The following MLLT3 variants were observed in gnomAD, a reference collection of about 807,000 sequenced individuals.
The protein encoded by MLLT3 is MLLT3 super elongation complex subunit.
In MLLT3, 4 loss-of-function variants were observed where a neutral mutation model predicts 53.2. The observed-to-expected ratio is 0.08, with a 90% CI of 0.04 to 0.17. The LOEUF is 0.17. Ranked by LOEUF, MLLT3 falls within the 10% of genes least tolerant of loss-of-function variation. The pLI is 1.00. For missense variants in MLLT3, 569 were observed against 684.0 expected, an observed-to-expected ratio of 0.83 and a Z score of 1.87; for synonymous variants, 283 against 230.6, an observed-to-expected ratio of 1.23 and a Z score of -2.06.
intron 2 of MLLT3, among the ~76,000 whole-genome samples, chr9:20,618,517 G>A (rs2991262): frequency 0.25 from 37,919 of 152,044 alleles, 4,903 homozygotes; most frequent in African/African-American, 0.29. Flanking sequence ...CACATCATGG[G>A]AAGCACGCAT....
intron 2 of MLLT3, among the ~76,000 whole-genome samples, chr9:20,505,561 G>A (rs1445195059): frequency 1.3e-5 from 2 of 152,272 alleles, no homozygotes; most frequent in East Asian, 1.9e-4. Flanking sequence ...ATAAGAATTC[G>A]AAGAGGTTAG....
intron 5 of MLLT3, among the ~76,000 whole-genome samples, chr9:20,380,956 T>C (rs1821894720): frequency 1.3e-5 from 2 of 151,964 alleles, no homozygotes; most frequent in Non-Finnish European, 2.9e-5. Context: ...CAGAATTCTC[T>C]GAGAATGGGC....
chr9:20,378,240 A>G (rs1821821102), intron 5 of MLLT3, among the ~76,000 whole-genome samples: 1 of 152,046 alleles, frequency 6.6e-6, no homozygotes, highest in Non-Finnish European at 1.5e-5. Flanking sequence ...TACATTGGGG[A>G]TACAGGTTTA....
At chr9:20,354,264 C>A (rs1821108118) in intron 9 of MLLT3, among the ~76,000 whole-genome samples, 1 of 152,236 alleles carries the variant, frequency 6.6e-6, no homozygotes, top group South Asian at 2.1e-4. Context: ...TATGCTCAGA[C>A]TCACGAGTCT....
At chr9:20,431,286 G>A (rs1823262101) in intron 4 of MLLT3, among the ~76,000 whole-genome samples, 1 of 151,810 alleles carries the variant, frequency 6.6e-6, no homozygotes, top group South Asian at 2.1e-4. Flanking sequence ...ATATTTTTAG[G>A]CCCCACCCTA....
At chr9:20,612,129 C>T (rs983586875) in intron 2 of MLLT3, among the ~76,000 whole-genome samples, 1 of 152,148 alleles carries the variant, frequency 6.6e-6, no homozygotes, top group African/African-American at 2.4e-5. Flanking sequence ...TGAATTATTA[C>T]TCAATGTTTT....
intron 2 of MLLT3, among the ~76,000 whole-genome samples, chr9:20,611,124 T>A (rs527820565): frequency 1.3e-5 from 2 of 152,154 alleles, no homozygotes; most frequent in South Asian, 4.1e-4. Flanking sequence ...GTAAAGATGA[T>A]ATAAAGTCTA....
intron 2 of MLLT3, among the ~76,000 whole-genome samples, chr9:20,461,318 A>G (rs1194525912): frequency 6.6e-6 from 1 of 152,158 alleles, no homozygotes; most frequent in African/African-American, 2.4e-5. Context: ...CCAATAACCT[A>G]TTTAATTTTT....
rs1821027046 is a variant in MLLT3 at position 20,621,951 on chromosome 9, G to T, written c.12+294C>A. The T allele has an allele frequency of 1.4e-6, 2 of 1,397,934 alleles. No individual in the cohort carries two copies. Among genetic ancestry groups the T allele is most frequent in the Non-Finnish European group, 1.8e-6 (2 of 1,082,624 alleles). 86.6% of individuals were successfully genotyped at this position (1,397,934 alleles called of 1,614,324 possible). ...CGCGCGTGTGAGCGAGAGGGAGTGT[G>T]TGAGTGCGCTTCTTGTGACTGCAAA... is the stretch of plus-strand genomic sequence containing the variant. On this transcript the variant is annotated intron_variant, in intron 1 of 10. Transcript: ENST00000380338. The surrounding 1 kb of genome is among the most constrained non-coding windows in gnomAD (Gnocchi z 7.0).
At chr9:20,477,034 T>C (rs1824538119) in intron 2 of MLLT3, among the ~76,000 whole-genome samples, 2 of 152,134 alleles carry the variant, frequency 1.3e-5, no homozygotes. Flanking sequence ...TCACCTTTAA[T>C]TGAACCAACT....
At chr9:20,459,859 T>C (rs1436723087) in intron 2 of MLLT3, among the ~76,000 whole-genome samples, 1 of 152,230 alleles carries the variant, frequency 6.6e-6, no homozygotes, top group Non-Finnish European at 1.5e-5. Context: ...ATGAACAATG[T>C]CTGTAAACCC....
chr9:20,352,288 T>C (rs189600960), intron 10 of MLLT3, among the ~76,000 whole-genome samples: 1 of 152,328 alleles, frequency 6.6e-6, no homozygotes, highest in Admixed American at 6.5e-5. Context: ...ATAGCTTTAT[T>C]GGACAATTGC....
chr9:20,521,839 C>T (rs976587641), intron 2 of MLLT3, among the ~76,000 whole-genome samples: 7 of 152,016 alleles, frequency 4.6e-5, no homozygotes, highest in African/African-American at 1.7e-4. Context: ...GAAAAAATAG[C>T]CGTAATATTC....
In MLLT3 at chr9:20,621,995, G is replaced by C. The variant is rs963668151; in HGVS notation, c.12+250C>G. 3 of 1,395,824 alleles carry C rather than the reference G, an allele frequency of 2.1e-6. No individual in the cohort carries two copies. In the African/African-American group the frequency reaches 4.5e-5, roughly 21 times the overall value. 86.5% of individuals were successfully genotyped at this position (1,395,824 alleles called of 1,614,324 possible). ...CTGCAAAGAGGCGAGGAGGGAGGGAGGCGCGGGGGGTGGAGGGGCGAGTGT... is the reference window on the plus strand; with the variant it reads ...CTGCAAAGAGGCGAGGAGGGAGGGACGCGCGGGGGGTGGAGGGGCGAGTGT... On this transcript the variant is annotated intron_variant, in intron 1 of 10. Transcript: ENST00000380338. The surrounding 1 kb of genome is among the most constrained non-coding windows in gnomAD (Gnocchi z 7.0).
At chr9:20,588,066 C>A (rs992343035) in intron 2 of MLLT3, among the ~76,000 whole-genome samples, 23 of 151,492 alleles carry the variant, frequency 1.5e-4, no homozygotes, top group African/African-American at 5.6e-4. Context: ...ATATGGCTAG[C>A]CAGTTTTCCC....
intron 2 of MLLT3, among the ~76,000 whole-genome samples, chr9:20,577,944 G>C (rs1016462170): frequency 7.9e-5 from 12 of 152,162 alleles, no homozygotes; most frequent in Non-Finnish European, 1.8e-4. Flanking sequence ...CCTAAAACCT[G>C]ATCCTCCAGT....
intron 2 of MLLT3, among the ~76,000 whole-genome samples, chr9:20,501,116 T>C (rs1371269713): frequency 2.0e-5 from 3 of 152,230 alleles, no homozygotes; most frequent in Admixed American, 6.5e-5. Context: ...CATTCACTAG[T>C]TAAAATGCCT....
At chr9:20,606,411 T>C (rs1310755769) in intron 2 of MLLT3, among the ~76,000 whole-genome samples, 1 of 152,096 alleles carries the variant, frequency 6.6e-6, no homozygotes, top group Admixed American at 6.6e-5. Context: ...GTTCCTGCCG[T>C]ACCCCCTTCA....
intron 2 of MLLT3, among the ~76,000 whole-genome samples, chr9:20,572,083 G>A (rs1399250273): frequency 6.6e-6 from 1 of 152,160 alleles, no homozygotes; most frequent in Non-Finnish European, 1.5e-5. Flanking sequence ...TGAACCTAGA[G>A]GACGTTATGC....
Sources: allele counts gnomAD v4.1 joint callset (sites outside exome capture counted in the v4.1 genomes callset), GRCh38; gene constraint gnomAD v4.1.1; non-coding constraint Gnocchi (gnomAD v3.1); transcripts MANE v1.5; gene names NCBI Gene and HGNC (gene_info 2026-07-23, HGNC 2026-07-21).